Variants in ARHGAP24 observed in about 807,000 individuals in gnomAD.
The protein encoded by ARHGAP24 is Rho GTPase activating protein 24.
In ARHGAP24, 50 loss-of-function variants were observed where a neutral mutation model predicts 76.4. That is an observed-to-expected ratio of 0.65 (90% confidence interval 0.52 to 0.83). The LOEUF (loss-of-function observed/expected upper bound fraction) is 0.83. ARHGAP24 is among the 40% of genes least tolerant of loss of function. The probability of loss-of-function intolerance (pLI) is 0.00; values close to 1 mark genes in which losing one functional copy is unlikely to be tolerated. For synonymous variants in ARHGAP24, 345 were observed against 323.3 expected, an observed-to-expected ratio of 1.07 and a Z score of -0.72; for missense variants, 930 against 914.2, an observed-to-expected ratio of 1.02 and a Z score of -0.22.
chr4:85,898,984 C>A (rs1734346786), intron 3 of ARHGAP24, among the ~76,000 whole-genome samples: 1 of 152,018 alleles, frequency 6.6e-6, no homozygotes, highest in South Asian at 2.1e-4. Context: ...CCTCAGGTGA[C>A]CCACCCACCT....
At chr4:85,795,886 C>T (rs1000228003) in intron 3 of ARHGAP24, among the ~76,000 whole-genome samples, 5 of 152,178 alleles carry the variant, frequency 3.3e-5, no homozygotes, top group Non-Finnish European at 7.4e-5. Context: ...CTCATTCACA[C>T]ATGCTCAACT....
At chr4:85,948,239 A>T (rs1294967411) in intron 5 of ARHGAP24, among the ~76,000 whole-genome samples, 1 of 152,164 alleles carries the variant, frequency 6.6e-6, no homozygotes, top group Non-Finnish European at 1.5e-5. Flanking sequence ...TGTAGGAGAA[A>T]TGTTCATTTT....
intron 4 of ARHGAP24, among the ~76,000 whole-genome samples, chr4:85,935,723 A>G (rs1336217686): frequency 2.0e-5 from 3 of 152,188 alleles, no homozygotes; most frequent in Non-Finnish European, 4.4e-5. Flanking sequence ...TGAATGCCAA[A>G]TAAAGAAATA....
chr4:85,736,180 C>T lies in ARHGAP24; in HGVS notation c.268+14208C>T, dbSNP rs148485869. ...AGAAAAGAAACTCAATCCTCCCTCACAGGATGTCTTAAACCACTTTGAAGG... is the reference window on the plus strand; with the variant it reads ...AGAAAAGAAACTCAATCCTCCCTCATAGGATGTCTTAAACCACTTTGAAGG... On this transcript the variant is annotated intron_variant, in intron 3 of 9. Transcript: ENST00000395184. Among the ~76,000 whole-genome samples, 193 of 152,290 alleles carry T rather than the reference C, an allele frequency of 1.3e-3. 1 individual carries two copies. The highest frequency in any genetic ancestry group is 2.2e-3 in the Admixed American group (34 of 15,290).
At chr4:85,737,283 G>A in intron 3 of ARHGAP24, among the ~76,000 whole-genome samples, 1 of 152,094 alleles carries the variant, frequency 6.6e-6, no homozygotes. Flanking sequence ...TTGTTAACCT[G>A]TAGACTCTAG....
intron 1 of ARHGAP24, among the ~76,000 whole-genome samples, chr4:85,545,480 G>A (rs540608577): frequency 2.6e-5 from 4 of 152,312 alleles, no homozygotes; most frequent in Non-Finnish European, 5.9e-5. Context: ...TAGCGCATGA[G>A]CCTCATTCTT....
intron 3 of ARHGAP24, 153 bp downstream of exon 3, chr4:85,722,125 A>T: frequency 3.0e-6 from 2 of 663,844 alleles, no homozygotes; most frequent in Non-Finnish European, 5.3e-6. Flanking sequence ...CTGCAGGTTT[A>T]TATACTAGTA....
In ARHGAP24 at chr4:85,674,278, T is replaced by C. The variant is rs187291137; in HGVS notation, c.181-47607T>C. 3.1e-3 allele frequency among the ~76,000 whole-genome samples: 466 copies of C among 152,318 alleles called. 5 individuals are homozygous for C. Among genetic ancestry groups the C allele is most frequent in the Non-Finnish European group, 5.0e-3 (338 of 68,026 alleles). On this transcript the variant is annotated intron_variant, in intron 2 of 9. Transcript: ENST00000395184. Reference sequence around the variant, plus strand: ...CAGAAATAATGGTGTTTCTTTCTCTTCTGCCAGCCTAGTTAAAAGGGAAAA... The same window carrying C: ...CAGAAATAATGGTGTTTCTTTCTCTCCTGCCAGCCTAGTTAAAAGGGAAAA...
intron 4 of ARHGAP24, among the ~76,000 whole-genome samples, chr4:85,935,985 T>C (rs1406107587): frequency 1.3e-5 from 2 of 152,166 alleles, no homozygotes; most frequent in East Asian, 3.8e-4. Flanking sequence ...ACTTAAAAAG[T>C]TTGTGATAGA....
At chr4:85,715,128 G>A (rs1291204542) in intron 2 of ARHGAP24, among the ~76,000 whole-genome samples, 1 of 152,034 alleles carries the variant, frequency 6.6e-6, no homozygotes, top group Non-Finnish European at 1.5e-5. Context: ...TAATAGTCAA[G>A]AAATATCACT....
rs141122196 is a variant in ARHGAP24 at position 85,795,493 on chromosome 4, ATTAT to A, written c.268+73524_268+73527del. On this transcript the variant is annotated intron_variant, in intron 3 of 9. Transcript: ENST00000395184. ...CTAGAATATTTTTCTTGTCATTTTAATTATTTGGAAATTTGTAGATAAGTGACAA... is the reference window on the plus strand; with the variant it reads ...CTAGAATATTTTTCTTGTCATTTTAATTGGAAATTTGTAGATAAGTGACAA... Among the ~76,000 whole-genome samples, 1,191 of 152,294 alleles carry A rather than the reference ATTAT, an allele frequency of 7.8e-3. 12 individuals are homozygous for A. Among genetic ancestry groups the A allele is most frequent in the African/African-American group, 0.027 (1,139 of 41,554 alleles).
intron 1 of ARHGAP24, among the ~76,000 whole-genome samples, chr4:85,534,927 T>TAA (rs200978740): frequency 3.4e-4 from 34 of 99,910 alleles, no homozygotes; most frequent in South Asian, 1.0e-3. Context: ...ATATTTACAG[T>TAA]AAAAAAAAAA....
chr4:85,497,726 A>G (rs1038505584), intron 1 of ARHGAP24, among the ~76,000 whole-genome samples: 1 of 152,216 alleles, frequency 6.6e-6, no homozygotes, highest in South Asian at 2.1e-4. Flanking sequence ...AGAATGAGGC[A>G]GGAGAATTGC....
intron 5 of ARHGAP24, 78 bp downstream of exon 5, chr4:85,942,351 C>A (rs1737001760): frequency 6.1e-6 from 9 of 1,483,044 alleles, no homozygotes; most frequent in Non-Finnish European, 8.5e-6. Context: ...GCTGAGGAGG[C>A]ATAACCTTGA....
intron 2 of ARHGAP24, among the ~76,000 whole-genome samples, chr4:85,681,654 T>C (rs1181725974): frequency 6.6e-6 from 1 of 152,226 alleles, no homozygotes; most frequent in Non-Finnish European, 1.5e-5. Flanking sequence ...TTAAATATAA[T>C]GATTCAGAAA....
intron 2 of ARHGAP24, among the ~76,000 whole-genome samples, chr4:85,693,015 C>T (rs1162448046): frequency 6.6e-6 from 1 of 152,194 alleles, no homozygotes; most frequent in Non-Finnish European, 1.5e-5. Context: ...TGCACAGGGT[C>T]TTTATTTGTG....
At chr4:85,502,047 A>G (rs1423469375) in intron 1 of ARHGAP24, among the ~76,000 whole-genome samples, 1 of 151,984 alleles carries the variant, frequency 6.6e-6, no homozygotes, top group Admixed American at 6.6e-5. Context: ...ATGCGGTGAT[A>G]TTTATGAGGC....
chr4:85,480,924 G>A (rs1722791697), intron 1 of ARHGAP24, among the ~76,000 whole-genome samples: 1 of 152,030 alleles, frequency 6.6e-6, no homozygotes, highest in Non-Finnish European at 1.5e-5. Context: ...TGAGGCTGAT[G>A]GAGCTGTAAT....
intron 2 of ARHGAP24, among the ~76,000 whole-genome samples, chr4:85,636,848 A>G (rs932250186): frequency 6.6e-6 from 1 of 151,864 alleles, no homozygotes; most frequent in Non-Finnish European, 1.5e-5. Flanking sequence ...TTTTCTCCAA[A>G]CCAAACTGTA....
Sources: allele counts gnomAD v4.1 joint callset (sites outside exome capture counted in the v4.1 genomes callset), GRCh38; gene constraint gnomAD v4.1.1; transcripts MANE v1.5; gene names NCBI Gene and HGNC (gene_info 2026-07-23, HGNC 2026-07-21).